The following TIAM2 variants were observed in gnomAD, a reference collection of about 807,000 sequenced individuals.
TIAM2 encodes the protein rho guanine nucleotide exchange factor TIAM2.
TIAM2 carries 80 observed loss-of-function variants against 152.9 expected under a neutral mutation model. The observed-to-expected ratio is 0.52, with a 90% confidence interval of 0.44 to 0.63. The LOEUF (loss-of-function observed/expected upper bound fraction) is 0.63, where lower values mean the gene tolerates loss of function less well. TIAM2 is among the 30% of genes least tolerant of loss of function. The pLI is 0.00. For missense variants in TIAM2, 1,965 were observed against 2,120.1 expected (o/e 0.93, Z 1.44); for synonymous variants, 804 against 838.0 (o/e 0.96, Z 0.70).
At chr6:155,001,105 T>C (rs1338656479) in intron 1 of TIAM2, among the ~76,000 whole-genome samples, 1 of 111,602 alleles carries the variant, frequency 9.0e-6, no homozygotes, top group Admixed American at 8.8e-5. Flanking sequence ...GTGGTGGCAG[T>C]AGAATAGTGG....
intron 1 of TIAM2, among the ~76,000 whole-genome samples, chr6:155,033,172 C>T (rs1163524497): frequency 6.6e-6 from 1 of 152,206 alleles, no homozygotes; most frequent in East Asian, 1.9e-4. Flanking sequence ...TATGTATTCA[C>T]TGCAGCCATG....
chr6:155,233,597 CTT>C (rs1382794925), intron 15 of TIAM2, among the ~76,000 whole-genome samples: 2 of 152,176 alleles, frequency 1.3e-5, no homozygotes, highest in Admixed American at 6.5e-5. Context: ...ATTCAGAGCT[CTT>C]GAGTGGGATG....
chr6:155,182,454 G>A (rs756625417), intron 13 of TIAM2, 136 bp downstream of exon 13: 1 of 758,526 alleles, frequency 1.3e-6, no homozygotes, highest in Non-Finnish European at 2.1e-6. Flanking sequence ...AAACGTAAGA[G>A]TTTAATTGGA....
intron 21 of TIAM2, 69 bp downstream of exon 21, chr6:155,250,038 T>A: frequency 8.4e-7 from 1 of 1,196,944 alleles, no homozygotes; most frequent in Non-Finnish European, 1.2e-6. Context: ...ACCTTCTAGA[T>A]AGGCTGCCCT....
chr6:155,143,496 C>A (rs113531650), intron 5 of TIAM2, among the ~76,000 whole-genome samples: 3 of 151,130 alleles, frequency 2.0e-5, no homozygotes, highest in African/African-American at 7.3e-5. Flanking sequence ...TCTCCCTTAG[C>A]CTAAGTAATG....
intron 1 of TIAM2, among the ~76,000 whole-genome samples, chr6:155,013,252 C>T (rs1008519681): frequency 1.3e-5 from 2 of 152,036 alleles, no homozygotes; most frequent in Non-Finnish European, 2.9e-5. Flanking sequence ...GTGCCATAGA[C>T]GATCCAGAAA....
intron 1 of TIAM2, among the ~76,000 whole-genome samples, chr6:155,088,178 C>T (rs759516492): frequency 3.3e-5 from 5 of 151,688 alleles, no homozygotes; most frequent in African/African-American, 1.2e-4. Flanking sequence ...CCTCAGCCTC[C>T]GGAGTAGCTG....
chr6:155,007,584 G>C (rs973096398), intron 1 of TIAM2, among the ~76,000 whole-genome samples: 1 of 152,086 alleles, frequency 6.6e-6, no homozygotes, highest in East Asian at 1.9e-4. Flanking sequence ...AAAACGATTA[G>C]GTAAAATGTC....
In TIAM2 at chr6:155,213,116, C is replaced by T. The variant is rs1298650632; in HGVS notation, c.3168+1809C>T. 1.3e-5 allele frequency among the ~76,000 whole-genome samples: 2 copies of T among 152,154 alleles called. No homozygotes were observed. The highest frequency in any genetic ancestry group is 1.9e-4 in the East Asian group (1 of 5,172). On this transcript the variant is annotated intron_variant, in intron 15 of 26. Transcript: ENST00000682666. The surrounding 1 kb of genome is among the most constrained non-coding windows in gnomAD (Gnocchi z 4.2). Reference sequence around the variant, plus strand: ...TCTCTCCTTGTCACCTGTAATGTGGCGAGCAAGGGGCGTGTTTTGGCCCTG... The same window carrying T: ...TCTCTCCTTGTCACCTGTAATGTGGTGAGCAAGGGGCGTGTTTTGGCCCTG...
In TIAM2 at chr6:155,156,098, T is replaced by C. The variant is rs748578830; in HGVS notation, c.2028+7764T>C. Among the ~76,000 whole-genome samples, 1 of 152,240 alleles carries C rather than the reference T, an allele frequency of 6.6e-6. No homozygotes were observed. Among genetic ancestry groups the C allele is most frequent in the Non-Finnish European group, 1.5e-5 (1 of 68,030 alleles). ...GACAGAAATGGGAAATATAGCCTCA[T>C]GTGCAGTCATGGAAGACCCTGGAGG... On this transcript the variant is annotated intron_variant, in intron 7 of 26. Coordinates refer to ENST00000682666, the MANE Select transcript of TIAM2 (RefSeq NM_012454.4). This position sits in a 1 kb window ranked among gnomAD's most constrained non-coding sequence, Gnocchi z 4.4.
intron 2 of TIAM2, among the ~76,000 whole-genome samples, chr6:155,104,209 T>C (rs1404236801): frequency 6.6e-6 from 1 of 152,114 alleles, no homozygotes; most frequent in Non-Finnish European, 1.5e-5. Flanking sequence ...GCTGGCCAGC[T>C]CTGTGACCTT....
At chr6:155,167,618 C>G (rs1780477992) in intron 9 of TIAM2, among the ~76,000 whole-genome samples, 1 of 152,120 alleles carries the variant, frequency 6.6e-6, no homozygotes, top group African/African-American at 2.4e-5. Flanking sequence ...ACTGCAAACC[C>G]TTTGCTAATG....
chr6:155,246,694 C>T (rs1783355436), intron 19 of TIAM2, among the ~76,000 whole-genome samples: 1 of 152,102 alleles, frequency 6.6e-6, no homozygotes, highest in Admixed American at 6.5e-5. Flanking sequence ...ATGTACTTGT[C>T]AATACATATT....
At chr6:155,153,328 C>T (rs1309876599) in intron 7 of TIAM2, among the ~76,000 whole-genome samples, 2 of 151,970 alleles carry the variant, frequency 1.3e-5, no homozygotes, top group Non-Finnish European at 2.9e-5. Context: ...AATTCTTGTC[C>T]AGGCACGGTG....
intron 14 of TIAM2, among the ~76,000 whole-genome samples, chr6:155,185,906 A>G (rs1370994233): frequency 1.3e-5 from 2 of 152,190 alleles, no homozygotes; most frequent in Non-Finnish European, 2.9e-5. Context: ...TGTGCTGGAA[A>G]AAACAGCCCC....
At chr6:155,177,988 C>T (rs1004201020) in intron 10 of TIAM2, among the ~76,000 whole-genome samples, 5 of 151,812 alleles carry the variant, frequency 3.3e-5, no homozygotes, top group Admixed American at 6.6e-5. Flanking sequence ...GGTGAAACCC[C>T]GTCTCTACTA....
chr6:155,130,915 TA>T (rs1382147259), intron 4 of TIAM2, among the ~76,000 whole-genome samples: 3 of 152,020 alleles, frequency 2.0e-5, no homozygotes, highest in African/African-American at 7.2e-5. Flanking sequence ...CTAAACCAAT[TA>T]CCTCTCAAAG....
At chr6:155,176,498 T>C (rs963248308) in intron 9 of TIAM2, among the ~76,000 whole-genome samples, 1 of 152,236 alleles carries the variant, frequency 6.6e-6, no homozygotes, top group East Asian at 1.9e-4. Context: ...CCTCCCAAAG[T>C]GCTGGGATTA....
chr6:155,116,119 A>G (rs1056274520), intron 2 of TIAM2, among the ~76,000 whole-genome samples: 40 of 152,156 alleles, frequency 2.6e-4, no homozygotes, highest in African/African-American at 8.9e-4. Context: ...AAAAGAATGG[A>G]TTAGGCCCTT....
Sources: gnomAD v4.1 joint callset for allele counts (sites outside exome capture counted in the v4.1 genomes callset) on GRCh38, gnomAD v4.1.1 for gene constraint, Gnocchi (gnomAD v3.1) non-coding constraint, MANE v1.5 for transcripts, NCBI Gene and HGNC (gene_info 2026-07-23, HGNC 2026-07-21) for gene names.